The following PAIP2B variants were observed in gnomAD, a reference collection of about 807,000 sequenced individuals.
PAIP2B encodes the protein polyadenylate-binding protein-interacting protein 2B.
In PAIP2B, 13 loss-of-function variants were observed where a neutral mutation model predicts 17.0. The ratio of observed to expected loss-of-function variants is 0.76; its 90% CI spans 0.50 to 1.22. PAIP2B has a LOEUF of 1.22. Ranked by LOEUF, PAIP2B falls within the 50% of genes most tolerant of loss-of-function variation. PAIP2B has a pLI of 0.00. For synonymous variants in PAIP2B, 43 were observed against 48.7 expected, an observed-to-expected ratio of 0.88 and a Z score of 0.48; for missense variants, 117 against 144.5, an observed-to-expected ratio of 0.81 and a Z score of 0.98.
intron 2 of PAIP2B, among the ~76,000 whole-genome samples, chr2:71,201,006 TG>T (rs1491442320): frequency 3.1e-5 from 1 of 31,984 alleles, no homozygotes; most frequent in Non-Finnish European, 6.0e-5. Context: ...TTTGTGTGTG[TG>T]GGTGTGTGTG....
At chr2:71,223,905 C>T (rs1675654230) in intron 1 of PAIP2B, among the ~76,000 whole-genome samples, 1 of 152,230 alleles carries the variant, frequency 6.6e-6, no homozygotes, top group Non-Finnish European at 1.5e-5. Context: ...CCCTAGCAGT[C>T]ACTTACAAAT....
chr2:71,191,306 T>C (rs906300053), intron 2 of PAIP2B, among the ~76,000 whole-genome samples: 1 of 152,224 alleles, frequency 6.6e-6, no homozygotes, highest in Non-Finnish European at 1.5e-5. Context: ...ACGTGAAAAC[T>C]AGACAGTTAT....
At chr2:71,209,167 G>A (rs933113624) in intron 1 of PAIP2B, among the ~76,000 whole-genome samples, 1 of 152,110 alleles carries the variant, frequency 6.6e-6, no homozygotes, top group African/African-American at 2.4e-5. Context: ...GAGAATGAAA[G>A]CCAAATGGAG....
chr2:71,203,316 T>C (rs1675033943), intron 1 of PAIP2B, among the ~76,000 whole-genome samples: 1 of 150,636 alleles, frequency 6.6e-6, no homozygotes, highest in African/African-American at 2.4e-5. Context: ...GTGTTTCCAA[T>C]GTTTCTGTTT....
chr2:71,207,711 A>T (rs1675171508), intron 1 of PAIP2B, among the ~76,000 whole-genome samples: 1 of 152,156 alleles, frequency 6.6e-6, no homozygotes, highest in Non-Finnish European at 1.5e-5. Context: ...AAACTATTTT[A>T]GGAGGTTTTT....
chr2:71,207,723 GTGA>G (rs1317344599), intron 1 of PAIP2B, among the ~76,000 whole-genome samples: 4 of 152,142 alleles, frequency 2.6e-5, no homozygotes, highest in East Asian at 1.9e-4. Flanking sequence ...GAGGTTTTTG[GTGA>G]TGAACTAGAT....
intron 2 of PAIP2B, among the ~76,000 whole-genome samples, chr2:71,195,234 G>A (rs1344814780): frequency 1.3e-5 from 2 of 152,174 alleles, no homozygotes; most frequent in African/African-American, 4.8e-5. Flanking sequence ...TGCTGGCCTT[G>A]TAGAATGAGT....
intron 1 of PAIP2B, among the ~76,000 whole-genome samples, chr2:71,214,027 A>T (rs1675367682): frequency 6.6e-6 from 1 of 152,180 alleles, no homozygotes; most frequent in South Asian, 2.1e-4. Flanking sequence ...ATTTTTTTAG[A>T]GACAGGTCTC....
At chr2:71,192,182 C>T (rs1674702450) in intron 2 of PAIP2B, among the ~76,000 whole-genome samples, 1 of 151,976 alleles carries the variant, frequency 6.6e-6, no homozygotes, top group African/African-American at 2.4e-5. Flanking sequence ...CTGGACTTAA[C>T]CACATATGAT....
chr2:71,221,194 C>T (rs1261254131), intron 1 of PAIP2B, among the ~76,000 whole-genome samples: 2 of 152,208 alleles, frequency 1.3e-5, no homozygotes, highest in Non-Finnish European at 2.9e-5. Context: ...TCTGGCCAAG[C>T]CCATTCATAG....
In PAIP2B at chr2:71,186,785, G is replaced by A. The variant is rs1038448640; in HGVS notation, c.*1694C>T. 6.6e-6 allele frequency: 1 copy of A among 152,182 alleles called. No homozygotes were observed. The highest frequency in any genetic ancestry group is 2.4e-5 in the African/African-American group (1 of 41,446). The allele number at this position is 152,182 out of a possible 1,614,324, so 9.4% of individuals were successfully genotyped here. A position where few individuals can be genotyped will look rare whatever the true frequency, so the allele number is the denominator to read the frequency against. ...CTGTCTGGTAATGCAAGTTCTCTAA[G>A]CTACTCTCCTATGACATGTGACCTA... is the stretch of plus-strand genomic sequence containing the variant. On this transcript the variant is annotated 3_prime_UTR_variant, in exon 4 of 4. Coordinates refer to ENST00000244221, the MANE Select transcript of PAIP2B (RefSeq NM_020459.1).
At chr2:71,194,307 G>C (rs925467505) in intron 2 of PAIP2B, among the ~76,000 whole-genome samples, 2 of 152,154 alleles carry the variant, frequency 1.3e-5, no homozygotes, top group African/African-American at 4.8e-5. Flanking sequence ...ACTGCTTTGG[G>C]CAGTATAGCC....
intron 2 of PAIP2B, among the ~76,000 whole-genome samples, chr2:71,196,311 A>G (rs563388837): frequency 6.6e-6 from 1 of 152,100 alleles, no homozygotes; most frequent in East Asian, 1.9e-4. Context: ...ATTTCCATGT[A>G]ATTGTATGGT....
At chr2:71,196,192 T>A (rs1330723299) in intron 2 of PAIP2B, among the ~76,000 whole-genome samples, 2 of 152,230 alleles carry the variant, frequency 1.3e-5, no homozygotes, top group East Asian at 3.8e-4. Flanking sequence ...CTTAGCTATG[T>A]TCCAGAGATT....
chr2:71,217,994 C>A, intron 1 of PAIP2B, among the ~76,000 whole-genome samples: 1 of 151,958 alleles, frequency 6.6e-6, no homozygotes, highest in East Asian at 1.9e-4. Context: ...CTTGAGCCCA[C>A]GAGTTTGAGG....
Position 71,201,040 on chromosome 2 carries a change from T to C in PAIP2B, c.138+1412A>G, listed in dbSNP as rs201972716. Reference sequence around the variant, plus strand: ...GTGTGTGTGTGTGTGTGTGTGTGTGTGTGTGAATGTGTATGTGTGTTTCTG... The same window carrying C: ...GTGTGTGTGTGTGTGTGTGTGTGTGCGTGTGAATGTGTATGTGTGTTTCTG... On this transcript the variant is annotated intron_variant, in intron 2 of 3. Transcript: ENST00000244221. 3.1e-5 allele frequency among the ~76,000 whole-genome samples: 4 copies of C among 128,908 alleles called. No individual in the cohort carries two copies. The South Asian group carries it at 1.1e-3, about 34-fold the overall frequency. The allele number at this position is 128,908 out of a possible 152,430, so 84.6% of individuals were successfully genotyped here.
intron 1 of PAIP2B, among the ~76,000 whole-genome samples, chr2:71,225,556 C>G (rs1400352660): frequency 6.6e-6 from 1 of 152,166 alleles, no homozygotes; most frequent in Non-Finnish European, 1.5e-5. Context: ...TCTCCCCACC[C>G]CGATATACAA....
rs111528418 is a variant in PAIP2B at position 71,204,905 on chromosome 2, C to A, written c.-11-2305G>T. ...AGATTTGGCAGTTGTTTGCAACTAG[C>A]ACACTGATTTCTCACCACCAATATG... is the stretch of plus-strand genomic sequence containing the variant. On this transcript the variant is annotated intron_variant, in intron 1 of 3. Transcript: ENST00000244221. 2.6e-5 allele frequency among the ~76,000 whole-genome samples: 4 copies of A among 152,160 alleles called. 1 individual carries two copies. Among genetic ancestry groups the A allele is most frequent in the African/African-American group, 9.6e-5 (4 of 41,512 alleles).
At position 71,202,442 on chromosome 2, in the gene PAIP2B, C is replaced by G. The variant is rs752162946; in HGVS notation, c.138+10G>C. 6.2e-7 allele frequency: 1 copy of G among 1,609,524 alleles called. No individual in the cohort carries two copies. Among genetic ancestry groups the G allele is most frequent in the South Asian group, 1.1e-5 (1 of 89,776 alleles). On this transcript the variant is annotated intron_variant, in intron 2 of 3. Transcript: ENST00000244221. Reference sequence around the variant, plus strand: ...TCATCAATCTTCCACTTTTCCAGTTCTTTCTTTACCTGTCTGTTGAAATCC... The same window carrying G: ...TCATCAATCTTCCACTTTTCCAGTTGTTTCTTTACCTGTCTGTTGAAATCC...
Sources: gnomAD v4.1 joint callset for allele counts (sites outside exome capture counted in the v4.1 genomes callset) on GRCh38, gnomAD v4.1.1 for gene constraint, MANE v1.5 for transcripts, NCBI Gene and HGNC (gene_info 2026-07-23, HGNC 2026-07-21) for gene names.